PLRG1: variants seen among roughly 807,000 people sequenced by gnomAD.
PLRG1 encodes the protein pleiotropic regulator 1.
In PLRG1, 28 loss-of-function variants were observed where a neutral mutation model predicts 74.9. That is an observed-to-expected ratio of 0.37 (90% CI 0.28 to 0.51). PLRG1 has a LOEUF of 0.51. Ranked by LOEUF, PLRG1 falls within the 20% of genes least tolerant of loss-of-function variation. The probability of loss-of-function intolerance (pLI) is 0.91; values close to 1 mark genes in which losing one functional copy is unlikely to be tolerated. For missense variants in PLRG1, 445 were observed against 631.9 expected (o/e 0.70, Z 3.17); for synonymous variants, 197 against 212.4 (o/e 0.93, Z 0.63).
intron 10 of PLRG1, 155 bp from the exon 11 acceptor site, chr4:154,540,208 G>A: frequency 1.7e-6 from 1 of 595,638 alleles, no homozygotes; most frequent in South Asian, 2.1e-5. Flanking sequence ...TTTACAAACT[G>A]GAGGACGAAT....
intron 6 of PLRG1, 78 bp from the exon 7 acceptor site, chr4:154,544,624 G>T: frequency 1.4e-6 from 1 of 740,472 alleles, no homozygotes; most frequent in Non-Finnish European, 2.3e-6. Flanking sequence ...AAATGGAAAT[G>T]GAAAGAGGGA....
intron 3 of PLRG1, chr4:154,547,384 T>C (rs879493969): frequency 1.2e-5 from 6 of 502,004 alleles, no homozygotes; most frequent in Non-Finnish European, 2.1e-5. Flanking sequence ...CAGTATTTAA[T>C]TTCATCTTTC....
chr4:154,540,105 C>G, intron 10 of PLRG1, 52 bp from the exon 11 acceptor site: 3 of 958,418 alleles, frequency 3.1e-6, no homozygotes, highest in Non-Finnish European at 5.1e-6. Flanking sequence ...TTCATTATCT[C>G]AAGAAGATAA....
intron 11 of PLRG1, 128 bp from the exon 12 acceptor site, chr4:154,539,341 G>T: frequency 6.5e-6 from 4 of 619,804 alleles, no homozygotes; most frequent in Non-Finnish European, 5.7e-6. Context: ...ACGCAAATTA[G>T]TCTTGGCTAA....
Position 154,547,018 on chromosome 4 carries a change from T to C in PLRG1, c.306A>G (p.Pro102=), listed in dbSNP as rs148552386. Residue 102 remains proline (P), a synonymous_variant, in exon 4 of 15, where the codon CCA becomes CCG. Transcript: ENST00000499023. ...YFVAGTHPYP[P]GPGVALTADT... is the part of the protein sequence containing the mutation. ...ATATAACAGCTCACTAACCAGGTCC[T>C]GGTGGGTATGGATGTGTACCTGCCA... is the stretch of plus-strand genomic sequence containing the variant. The C allele has an allele frequency of 3.7e-6, 6 of 1,609,086 alleles. No individual in the cohort carries two copies. In the African/African-American group the frequency reaches 8.0e-5, roughly 22 times the overall value.
rs774861685 is a variant in PLRG1 at position 154,540,635 on chromosome 4, T to C, written c.898A>G (p.Ile300Val). The change falls in exon 10 of 15, where the codon ATC (isoleucine) becomes GTC (valine). Residue 300 changes from isoleucine (I) to valine (V), a missense_variant. By Grantham distance (29) the Ile-to-Val change is conservative. Transcript: ENST00000499023. ...CGACTACAGGTTACCAACACATCGA[T>C]TGTCGGGTGCAAATCCAAACCATAC... ...AVYGLDLHPT[I>V]DVLVTCSRDS... 1.4e-5 allele frequency: 23 copies of C among 1,613,526 alleles called. No homozygotes were observed. In the Middle Eastern group the frequency reaches 4.9e-4, roughly 35 times the overall value.
chr4:154,535,466 AT>A lies in PLRG1; in HGVS notation c.*1218del, dbSNP rs1046209021. ...GTTTCAATAAATCCCAGAAAACTAC[AT>A]TCCTAAAGGCTGTGACAATTATACT... On this transcript the variant is annotated 3_prime_UTR_variant, in exon 15 of 15. Transcript: ENST00000499023. 6 of 151,218 alleles carry A rather than the reference AT, an allele frequency of 4.0e-5. No homozygotes were observed. The highest frequency in any genetic ancestry group is 2.0e-4 in the Admixed American group (3 of 15,064). 9.4% of individuals were successfully genotyped at this position (151,218 alleles called of 1,614,324 possible).
At chr4:154,541,946 G>T in intron 8 of PLRG1, 1 of 461,718 alleles carries the variant, frequency 2.2e-6, no homozygotes, top group Middle Eastern at 6.2e-4. Context: ...AGAGAACAAT[G>T]TAAGTATAAA....
intron 6 of PLRG1, among the ~76,000 whole-genome samples, chr4:154,545,432 T>C (rs1254875030): frequency 6.6e-6 from 1 of 152,170 alleles, no homozygotes; most frequent in African/African-American, 2.4e-5. Context: ...TAAATGCTCA[T>C]TTATAAGACT....
intron 3 of PLRG1, 58 bp from the exon 4 acceptor site, chr4:154,547,122 T>C (rs898552195): frequency 4.7e-5 from 55 of 1,180,710 alleles, no homozygotes; most frequent in Non-Finnish European, 5.9e-5. Flanking sequence ...AAAGTTATCA[T>C]CTCTTTAAAT....
Position 154,548,915 on chromosome 4 carries a change from T to C in PLRG1, c.30A>G (p.Val10=), listed in dbSNP as rs1578772755. MVEEVQKHS[V]HTLVFRSLKR... is the part of the protein sequence containing the mutation. ...TCAACGACCTGAACACAAGGGTGTG[T>C]ACAGAATGTTTCTGTACCTCCTAAA... Residue 10 remains valine, a synonymous_variant, in exon 2 of 15, where the codon GTA becomes GTG. Transcript: ENST00000499023. 3 of 1,602,638 alleles carry C rather than the reference T, an allele frequency of 1.9e-6. No individual in the cohort carries two copies. The highest frequency in any genetic ancestry group is 2.7e-5 in the African/African-American group (2 of 74,856).
chr4:154,546,945 T>C (rs1375545855), intron 4 of PLRG1, 66 bp downstream of exon 4: 3 of 1,158,784 alleles, frequency 2.6e-6, no homozygotes, highest in Non-Finnish European at 3.9e-6. Flanking sequence ...AATCTCATTA[T>C]TGGCTCGTTA....
intron 13 of PLRG1, 132 bp from the exon 14 acceptor site, chr4:154,537,611 C>T (rs1729474797): frequency 1.7e-6 from 1 of 596,234 alleles, no homozygotes; most frequent in Non-Finnish European, 2.9e-6. Flanking sequence ...GGCACTCCAC[C>T]TTCTCTTAAT....
rs781594031 is a variant in PLRG1 at position 154,537,270 on chromosome 4, G to GA, written c.1485+15dup. The GA allele has an allele frequency of 6.4e-7, 1 of 1,566,284 alleles. No homozygotes were observed. The highest frequency in any genetic ancestry group is 1.7e-5 in the Admixed American group (1 of 57,412). Reference sequence around the variant, plus strand: ...TATAGCTGTTTTACTTAACGAATGTGAAACACAGAACTTACGGCTGTGTCA... The same window carrying GA: ...TATAGCTGTTTTACTTAACGAATGTGAAAACACAGAACTTACGGCTGTGTCA... On this transcript the variant is annotated intron_variant, in intron 14 of 14. Coordinates refer to ENST00000499023, the MANE Select transcript of PLRG1 (RefSeq NM_002669.4).
rs943727686 is a variant in PLRG1 at position 154,535,007 on chromosome 4, G to A, written c.*1678C>T. 1 of 151,996 alleles carries A rather than the reference G, an allele frequency of 6.6e-6. No homozygotes were observed. Among genetic ancestry groups the A allele is most frequent in the African/African-American group, 2.4e-5 (1 of 41,410 alleles). The allele number at this position is 151,996 out of a possible 1,614,324, so 9.4% of individuals were successfully genotyped here. ...AGAATCTCTCAGGAATGCAAGTGTA[G>A]TGTTCTTTTTTCTTTATTTAAGTTT... On this transcript the variant is annotated 3_prime_UTR_variant, in exon 15 of 15. Coordinates refer to ENST00000499023, the MANE Select transcript of PLRG1 (RefSeq NM_002669.4).
intron 1 of PLRG1, chr4:154,549,799 T>G (rs1211203981): frequency 4.4e-6 from 2 of 456,334 alleles, no homozygotes; most frequent in Non-Finnish European, 8.8e-6. Context: ...GAAGAGTGAA[T>G]GGAATCAATA....
chr4:154,548,487 T>C (rs367983547), intron 2 of PLRG1, among the ~76,000 whole-genome samples: 22 of 152,116 alleles, frequency 1.4e-4, no homozygotes, highest in African/African-American at 5.1e-4. Flanking sequence ...CGAGAAAAGA[T>C]GGGAGTAGAG....
chr4:154,549,987 G>A (rs994886709), intron 1 of PLRG1, among the ~76,000 whole-genome samples: 5 of 152,200 alleles, frequency 3.3e-5, no homozygotes, highest in Non-Finnish European at 7.3e-5. Context: ...TGCCCCGAGG[G>A]CGGCAAGTAC....
At chr4:154,538,439 G>T (rs1729494184) in intron 12 of PLRG1, among the ~76,000 whole-genome samples, 1 of 151,882 alleles carries the variant, frequency 6.6e-6, no homozygotes. Context: ...TTGGAGGGAG[G>T]GAGAGCAAGA....
Sources: gnomAD v4.1 joint callset for allele counts (sites outside exome capture counted in the v4.1 genomes callset) on GRCh38, gnomAD v4.1.1 for gene constraint, MANE v1.5 for transcripts, NCBI Gene and HGNC (gene_info 2026-07-23, HGNC 2026-07-21) for gene names.